ADNP2: variants seen among roughly 807,000 people sequenced by gnomAD.
ADNP2 encodes ADNP homeobox 2.
In ADNP2, 8 loss-of-function variants were observed where a neutral mutation model predicts 16.4. That is an observed-to-expected ratio of 0.49 (90% CI 0.29 to 0.88). ADNP2 has a LOEUF of 0.88. ADNP2 is among the 40% of genes least tolerant of loss of function. ADNP2 has a pLI of 0.09. For synonymous variants in ADNP2, 637 were observed against 545.8 expected, an observed-to-expected ratio of 1.17 and a Z score of -2.33; for missense variants, 1,397 against 1,395.1, an observed-to-expected ratio of 1.00 and a Z score of -0.02.
chr18:80,129,013 T>C (rs1454997494), intron 2 of ADNP2, among the ~76,000 whole-genome samples: 1 of 152,174 alleles, frequency 6.6e-6, no homozygotes, highest in East Asian at 1.9e-4. Flanking sequence ...TTCACTTTTC[T>C]CTGTTCTGTC....
chr18:80,122,276 G>A (rs188791214), intron 2 of ADNP2, among the ~76,000 whole-genome samples: 1 of 152,176 alleles, frequency 6.6e-6, no homozygotes, highest in African/African-American at 2.4e-5. Flanking sequence ...TTGAAATTGG[G>A]AAGTGTGAGT....
chr18:80,118,807 A>G (rs1268450550), intron 2 of ADNP2, among the ~76,000 whole-genome samples: 1 of 152,182 alleles, frequency 6.6e-6, no homozygotes, highest in African/African-American at 2.4e-5. Context: ...GACTTTACTG[A>G]TGCAGAGATA....
intron 2 of ADNP2, among the ~76,000 whole-genome samples, chr18:80,120,989 G>A (rs911438596): frequency 6.6e-6 from 1 of 152,142 alleles, no homozygotes; most frequent in East Asian, 1.9e-4. Flanking sequence ...TATTTTGGGT[G>A]TATATACCTA....
At chr18:80,127,339 G>GTTTTTTTTTTTT (rs35560770) in intron 2 of ADNP2, among the ~76,000 whole-genome samples, 2 of 102,182 alleles carry the variant, frequency 2.0e-5, no homozygotes, top group Non-Finnish European at 3.6e-5. Flanking sequence ...GGTTTTTTCA[G>GTTTTTTTTTTTT]TTTTTTTTTT....
intron 2 of ADNP2, among the ~76,000 whole-genome samples, chr18:80,132,673 T>TCTCCTCCCCTCTC (rs60916384): frequency 6.8e-6 from 1 of 146,132 alleles, no homozygotes; most frequent in African/African-American, 2.6e-5. Flanking sequence ...CTCTCCCCTC[T>TCTCCTCCCCTCTC]TCCTCCCCTC....
At chr18:80,130,184 GTCATGACCCC>G (rs1195285262) in intron 2 of ADNP2, among the ~76,000 whole-genome samples, 4 of 152,270 alleles carry the variant, frequency 2.6e-5, no homozygotes, top group African/African-American at 9.6e-5. Flanking sequence ...TGGTGCTTTT[GTCATGACCCC>G]TCCCCTAAAG....
chr18:80,112,796 T>C lies in ADNP2; in HGVS notation c.-14+3324T>C, dbSNP rs2052366115. The stretch of plus-strand genomic sequence containing the variant: ...CACCAGTCTTTGTATCCCAGGCTTC[T>C]CAAAACTCTGTGATAAGATCAGCTC... On this transcript the variant is annotated intron_variant, in intron 1 of 3. Coordinates refer to ENST00000262198, the MANE Select transcript of ADNP2 (RefSeq NM_014913.4). Among the ~76,000 whole-genome samples the C allele has an allele frequency of 2.0e-5, 3 of 152,210 alleles. No homozygotes were observed. In the South Asian group the frequency reaches 6.2e-4, roughly 31 times the overall value.
chr18:80,117,703 G>T, intron 2 of ADNP2, 53 bp downstream of exon 2: 5 of 1,411,106 alleles, frequency 3.5e-6, no homozygotes, highest in Non-Finnish European at 4.9e-6. Flanking sequence ...TTGAACTCGG[G>T]TTTTTGAAGA....
chr18:80,123,785 A>C (rs1055873008), intron 2 of ADNP2, among the ~76,000 whole-genome samples: 1 of 151,256 alleles, frequency 6.6e-6, no homozygotes, highest in Admixed American at 6.6e-5. Flanking sequence ...GCTGGAGTGC[A>C]GTGGCATGAT....
chr18:80,119,605 A>G lies in ADNP2; in HGVS notation c.108+1955A>G, dbSNP rs1272770505. ...GACTTCAATCTTAGCAAGAGTTAAC[A>G]CCTCCAATAGGAGGCTGTTCTTGTC... On this transcript the variant is annotated intron_variant, in intron 2 of 3. Coordinates refer to ENST00000262198, the MANE Select transcript of ADNP2 (RefSeq NM_014913.4). Among the ~76,000 whole-genome samples, 2 of 152,004 alleles carry G rather than the reference A, an allele frequency of 1.3e-5. 1 individual carries two copies. Among genetic ancestry groups the G allele is most frequent in the Non-Finnish European group, 2.9e-5 (2 of 68,034 alleles).
rs764999448 is a variant in ADNP2, at chr18:80,138,393, G to A, written c.2980G>A (p.Glu994Lys). ...AGGGGCCGAAGACCAGCGGCATGGG[G>A]AGGAGCAGCCTCCCATCCTAAATGC... ...HLGAEDQRHG[E>K]EQPPILNADA... Residue 994 changes from glutamate to lysine, a missense_variant, in exon 4 of 4, where the codon GAG becomes AAG. Glu to Lys is a moderately conservative substitution (Grantham distance 56). Coordinates refer to ENST00000262198, the MANE Select transcript of ADNP2 (RefSeq NM_014913.4). The A allele has an allele frequency of 1.2e-6, 2 of 1,613,946 alleles. No homozygotes were observed. Among genetic ancestry groups the A allele is most frequent in the African/African-American group, 2.7e-5 (2 of 74,922 alleles).
rs992076312 is a variant in ADNP2, at chr18:80,137,092, T to G, written c.1679T>G (p.Val560Gly). The change falls in exon 4 of 4, where the codon GTG becomes GGG. Residue 560 changes from valine to glycine, a missense_variant. Physicochemically the swap from Val to Gly is moderately radical, Grantham distance 109. Transcript: ENST00000262198. The surrounding 1 kb of genome is among the most constrained non-coding windows in gnomAD (Gnocchi z 4.2). ...VSGVLPVGQP[V>G]RPGVLQLNQT... ...GGAGTTCTTCCTGTGGGCCAGCCAG[T>G]GAGGCCTGGGGTCTTGCAACTCAAC... 6.2e-7 allele frequency: 1 copy of G among 1,614,204 alleles called. No individual in the cohort carries two copies. Among genetic ancestry groups the G allele is most frequent in the Non-Finnish European group, 8.5e-7 (1 of 1,180,034 alleles).
rs1555730307 is a variant in ADNP2 at position 80,134,418 on chromosome 18, T to TGAGA, written c.199-1188_199-1185dup. ...GTGTGTGTGTGTGTGTGTGTGTGTG[T>TGAGA]GAGAGAGAGTGATAATGAGCACACA... On this transcript the variant is annotated intron_variant, in intron 3 of 3. Coordinates refer to ENST00000262198, the MANE Select transcript of ADNP2 (RefSeq NM_014913.4). Among the ~76,000 whole-genome samples, 119 of 136,556 alleles carry TGAGA rather than the reference T, an allele frequency of 8.7e-4. No individual in the cohort carries two copies. In the East Asian group the frequency reaches 0.02, roughly 23 times the overall value. The allele number at this position is 136,556 out of a possible 152,430, so 89.6% of individuals were successfully genotyped here.
intron 2 of ADNP2, among the ~76,000 whole-genome samples, chr18:80,122,506 C>T (rs768940985): frequency 6.6e-6 from 1 of 152,148 alleles, no homozygotes; most frequent in Admixed American, 6.6e-5. Context: ...TAATTTCTTT[C>T]GACAGTGCTT....
In ADNP2 at chr18:80,136,687, T is replaced by A; in HGVS notation, c.1274T>A (p.Val425Asp). Residue 425 changes from valine to aspartate, a missense_variant, in exon 4 of 4, where the codon GTC becomes GAC. Val to Asp is a radical substitution (Grantham distance 152, BLOSUM62 -3). This residue lies in a region of ADNP2 where 777 missense variants were observed against 719.4 expected (regional missense o/e 1.08). Coordinates refer to ENST00000262198, the MANE Select transcript of ADNP2 (RefSeq NM_014913.4). Reference protein sequence around the residue: ...GPGVLPVSPSVTPGVLQAVSP... With the variant: ...GPGVLPVSPSDTPGVLQAVSP... ...GGTGTTCTTCCTGTGAGCCCCTCTG[T>A]CACCCCTGGGGTCCTGCAGGCTGTC... The A allele has an allele frequency of 6.2e-7, 1 of 1,613,398 alleles. No individual in the cohort carries two copies. Among genetic ancestry groups the A allele is most frequent in the Non-Finnish European group, 8.5e-7 (1 of 1,179,566 alleles).
intron 2 of ADNP2, among the ~76,000 whole-genome samples, chr18:80,121,336 A>G (rs941280625): frequency 6.6e-6 from 1 of 152,204 alleles, no homozygotes; most frequent in Non-Finnish European, 1.5e-5. Context: ...CCATTTGTAT[A>G]TCTTCTTTGG....
At chr18:80,121,260 C>T (rs905155250) in intron 2 of ADNP2, among the ~76,000 whole-genome samples, 1 of 152,066 alleles carries the variant, frequency 6.6e-6, no homozygotes. Flanking sequence ...AGTGGAATCT[C>T]ATGGTGGTTT....
At chr18:80,129,581 A>T (rs2052483121) in intron 2 of ADNP2, among the ~76,000 whole-genome samples, 1 of 152,194 alleles carries the variant, frequency 6.6e-6, no homozygotes, top group Non-Finnish European at 1.5e-5. Context: ...GTTTCAGCTT[A>T]GTCCCCTGTC....
Position 80,136,529 on chromosome 18 carries a change from G to A in ADNP2, c.1116G>A (p.Leu372=). The A allele has an allele frequency of 6.2e-7, 1 of 1,614,202 alleles. No individual in the cohort carries two copies. Among genetic ancestry groups the A allele is most frequent in the Non-Finnish European group, 8.5e-7 (1 of 1,180,056 alleles). Residue 372 remains leucine (L), a synonymous_variant, in exon 4 of 4, where the codon TTG becomes TTA. Transcript: ENST00000262198. The stretch of plus-strand genomic sequence containing the variant: ...ATCAGTCTGTGAATCCTCCTGTGTT[G>A]CCCTTGAGTCAGCCAGTCGGACCTG... The part of the protein sequence containing the change: ...PLHQSVNPPV[L]PLSQPVGPVN...
Sources: allele counts gnomAD v4.1 joint callset (sites outside exome capture counted in the v4.1 genomes callset), GRCh38; gene constraint gnomAD v4.1.1; regional missense constraint gnomAD v4.1.1; non-coding constraint Gnocchi (gnomAD v3.1); transcripts MANE v1.5; gene names NCBI Gene and HGNC (gene_info 2026-07-23, HGNC 2026-07-21).